The following ZIM3 variants were observed in gnomAD, a reference collection of about 807,000 sequenced individuals.
The protein encoded by ZIM3 is zinc finger protein 657.
A neutral mutation model predicts 12.9 loss-of-function variants in ZIM3; 11 were observed. That is an observed-to-expected ratio of 0.85 (90% confidence interval 0.54 to 1.41). ZIM3 has a LOEUF of 1.41. Among genes scored for constraint, ZIM3 ranks in the 40% most tolerant of loss-of-function variants. The pLI is 0.00. For synonymous variants in ZIM3, 205 were observed against 198.5 expected, an observed-to-expected ratio of 1.03 and a Z score of -0.28; for missense variants, 604 against 557.2, an observed-to-expected ratio of 1.08 and a Z score of -0.85.
chr19:57,135,625 G>T lies in ZIM3; in HGVS notation c.712C>A (p.Leu238Ile), dbSNP rs938763059. 6.2e-7 allele frequency: 1 copy of T among 1,611,970 alleles called. No homozygotes were observed. The highest frequency in any genetic ancestry group is 8.5e-7 in the Non-Finnish European group (1 of 1,178,230). ...GTATGCATTTTCTGATGTTGAAAGA[G>T]ATTTGACTTCTGCTTGTAGGCATTT... Reference protein sequence around the residue: ...CGNAYKQKSNLFQHQKMHTKE... With the variant: ...CGNAYKQKSNIFQHQKMHTKE... The change falls in exon 5 of 5, where the codon CTC (leucine) becomes ATC (isoleucine). Residue 238 changes from leucine to isoleucine, a missense_variant. By Grantham distance (5) the Leu-to-Ile change is conservative. Transcript: ENST00000269834.
chr19:57,138,341 A>C (rs2086899184), intron 3 of ZIM3, 131 bp downstream of exon 3: 1 of 1,325,954 alleles, frequency 7.5e-7, no homozygotes, highest in East Asian at 2.4e-5. Flanking sequence ...GCCTCACCCT[A>C]GTCCCGGCTC....
In ZIM3 at chr19:57,134,780, T is replaced by G; in HGVS notation, c.*138A>C. 1.2e-6 allele frequency: 1 copy of G among 842,306 alleles called. No homozygotes were observed. The allele number at this position is 842,306 out of a possible 1,614,324, so 52.2% of individuals were successfully genotyped here. ...GCTGAGTGAGTATGCCGAATGGGTTTTCAAAGGATACTGTGATAATAAGTC... is the reference window on the plus strand; with the variant it reads ...GCTGAGTGAGTATGCCGAATGGGTTGTCAAAGGATACTGTGATAATAAGTC... On this transcript the variant is annotated 3_prime_UTR_variant, in exon 5 of 5. Coordinates refer to ENST00000269834, the MANE Select transcript of ZIM3 (RefSeq NM_052882.1).
At chr19:57,140,705 C>G (rs1253727094) in intron 2 of ZIM3, among the ~76,000 whole-genome samples, 1 of 152,096 alleles carries the variant, frequency 6.6e-6, no homozygotes, top group Non-Finnish European at 1.5e-5. Context: ...CTCCTGGCCT[C>G]AAGTGGTCTT....
At chr19:57,143,216 A>C (rs949771296) in intron 1 of ZIM3, among the ~76,000 whole-genome samples, 5 of 152,016 alleles carry the variant, frequency 3.3e-5, no homozygotes, top group Admixed American at 1.3e-4. Flanking sequence ...CTGTAGTCCC[A>C]GCTACTCGGG....
rs113070573 is a variant in ZIM3, at chr19:57,140,032, G to A, written c.16-1434C>T. Among the ~76,000 whole-genome samples, 196 of 152,282 alleles carry A rather than the reference G, an allele frequency of 1.3e-3. 2 individuals are homozygous for A. Among genetic ancestry groups the A allele is most frequent in the African/African-American group, 4.7e-3 (194 of 41,552 alleles). On this transcript the variant is annotated intron_variant, in intron 2 of 4. Transcript: ENST00000269834. ...CCACTCAACACTCACAGTGTTGGAA[G>A]TCACACTTGTAAAGCGAATTCCTTT... is the stretch of plus-strand genomic sequence containing the variant.
Position 57,135,348 on chromosome 19 carries a change from G to T in ZIM3, c.989C>A (p.Thr330Lys). The change falls in exon 5 of 5, where the codon ACG becomes AAG. Residue 330 changes from threonine to lysine, a missense_variant. Coordinates refer to ENST00000269834, the MANE Select transcript of ZIM3 (RefSeq NM_052882.1). ...SDLVKHQRIH[T>K]GEKPYKCSIC... is the part of the protein sequence containing the mutation. ...GCTACATTTATAGGGTTTCTCTCCC[G>T]TGTGTATTCTCTGGTGTTTCACAAG... 1.2e-6 allele frequency: 2 copies of T among 1,613,922 alleles called. No homozygotes were observed. Among genetic ancestry groups the T allele is most frequent in the Middle Eastern group, 1.6e-4 (1 of 6,062 alleles).
intron 3 of ZIM3, 57 bp downstream of exon 3, chr19:57,138,415 G>T: frequency 6.2e-7 from 1 of 1,612,768 alleles, no homozygotes; most frequent in Non-Finnish European, 8.5e-7. Flanking sequence ...GCCATGGGGT[G>T]TCTGTGTGTT....
chr19:57,139,819 ACATT>A (rs2086905840), intron 2 of ZIM3, among the ~76,000 whole-genome samples: 1 of 152,206 alleles, frequency 6.6e-6, no homozygotes, highest in African/African-American at 2.4e-5. Context: ...TCCACAGTCG[ACATT>A]CAGACTGGAT....
chr19:57,140,336 C>G (rs1209628829), intron 2 of ZIM3, among the ~76,000 whole-genome samples: 1 of 151,652 alleles, frequency 6.6e-6, no homozygotes, highest in East Asian at 1.9e-4. Context: ...ACCACGACAC[C>G]TGGCTAATTT....
intron 2 of ZIM3, among the ~76,000 whole-genome samples, chr19:57,139,098 G>A (rs562853435): frequency 3.3e-5 from 5 of 152,022 alleles, no homozygotes; most frequent in East Asian, 1.9e-4. Flanking sequence ...AGGCCGAGGC[G>A]GGTGGATCAC....
intron 3 of ZIM3, among the ~76,000 whole-genome samples, 163 bp downstream of exon 3, chr19:57,138,309 C>T (rs140588362): frequency 1.3e-5 from 2 of 152,282 alleles, no homozygotes; most frequent in East Asian, 3.9e-4. Flanking sequence ...TCCTTCAATA[C>T]AGCACTTGGT....
intron 2 of ZIM3, among the ~76,000 whole-genome samples, chr19:57,140,047 C>T (rs910521792): frequency 5.9e-5 from 9 of 152,208 alleles, no homozygotes; most frequent in African/African-American, 2.2e-4. Flanking sequence ...ACTTGTAAAG[C>T]GAATTCCTTT....
intron 3 of ZIM3, among the ~76,000 whole-genome samples, chr19:57,138,042 G>A (rs796767768): frequency 1.1e-4 from 7 of 61,060 alleles, no homozygotes; most frequent in Non-Finnish European, 1.7e-4. Context: ...AAAGAAGGAA[G>A]GAAGGAAGGA....
rs1230883956 is a variant in ZIM3, at chr19:57,136,887, C to A, written c.227G>T (p.Gly76Val). Reference sequence around the variant, plus strand: ...TGGTCACCTACCTGCACGGCCACTTCCCAGCACTTCCTCTTCCTCCAACCA... The same window carrying A: ...TGGTCACCTACCTGCACGGCCACTTACCAGCACTTCCTCTTCCTCCAACCA... The part of the protein sequence containing the change: ...EPWLEEEEVL[G>V]SGRAEKNGDI... The change falls in exon 4 of 5, where the codon GGA (glycine) becomes GTA (valine). Residue 76 changes from glycine (G) to valine (V), a missense_variant. Physicochemically the swap from Gly to Val is moderately radical, Grantham distance 109 (BLOSUM62 -3). Transcript: ENST00000269834. 4 of 1,614,144 alleles carry A rather than the reference C, an allele frequency of 2.5e-6. No individual in the cohort carries two copies. In the Admixed American group the frequency reaches 5.0e-5, roughly 20 times the overall value.
Position 57,138,475 on chromosome 19 carries a change from C to A in ZIM3, c.139G>T (p.Val47Leu). The A allele has an allele frequency of 6.2e-7, 1 of 1,614,188 alleles. No homozygotes were observed. The highest frequency in any genetic ancestry group is 8.5e-7 in the Non-Finnish European group (1 of 1,180,026). ...MLENYSNLVS[V>L]GQGETTKPDV... Reference sequence around the variant, plus strand: ...CTGCCCGGGAAGCCGTCCTTACCCACAGAGACAAGGTTGCTGTAATTCTCC... The same window carrying A: ...CTGCCCGGGAAGCCGTCCTTACCCAAAGAGACAAGGTTGCTGTAATTCTCC... Residue 47 changes from valine to leucine, a missense_variant, in exon 3 of 5, where the codon GTG becomes TTG. Val to Leu is a conservative substitution (Grantham distance 32). Transcript: ENST00000269834.
chr19:57,134,841 C>G lies in ZIM3; in HGVS notation c.*77G>C. On this transcript the variant is annotated 3_prime_UTR_variant, in exon 5 of 5. Transcript: ENST00000269834. The stretch of plus-strand genomic sequence containing the variant: ...TCAAAAATAGCCTCCAAATTAGAGG[C>G]CATTTCAACATGGAATTCTGGGGTG... 2.8e-6 allele frequency: 4 copies of G among 1,445,098 alleles called. No individual in the cohort carries two copies. Among genetic ancestry groups the G allele is most frequent in the Non-Finnish European group, 3.7e-6 (4 of 1,067,874 alleles). The allele number at this position is 1,445,098 out of a possible 1,614,324, so 89.5% of individuals were successfully genotyped here.
rs776746223 is a variant in ZIM3, at chr19:57,136,964, C to T, written c.150G>A (p.Gly50=). The change falls in exon 4 of 5, where the codon GGG becomes GGA. Residue 50 remains glycine (G), a synonymous_variant. Transcript: ENST00000269834. ...NYSNLVSVGQ[G]ETTKPDVILR... The stretch of plus-strand genomic sequence containing the variant: ...AGATCACATCGGGTTTGGTGGTTTC[C>T]CCTTGTCCTGTGATGGAAGATACCG... 1 of 1,614,144 alleles carries T rather than the reference C, an allele frequency of 6.2e-7. No individual in the cohort carries two copies. The highest frequency in any genetic ancestry group is 1.1e-5 in the South Asian group (1 of 91,084).
chr19:57,140,147 G>A (rs904834069), intron 2 of ZIM3, among the ~76,000 whole-genome samples: 3 of 152,112 alleles, frequency 2.0e-5, no homozygotes, highest in Non-Finnish European at 4.4e-5. Flanking sequence ...GCTCTAGCTC[G>A]CTTTTTTAAA....
At chr19:57,142,509 T>C (rs1350753192) in intron 2 of ZIM3, 120 bp downstream of exon 2, 5 of 1,029,198 alleles carry the variant, frequency 4.9e-6, no homozygotes, top group Non-Finnish European at 7.3e-6. Flanking sequence ...TACCTTTTAA[T>C]AGAAGTATGG....
Sources: allele counts gnomAD v4.1 joint callset (sites outside exome capture counted in the v4.1 genomes callset), GRCh38; gene constraint gnomAD v4.1.1; transcripts MANE v1.5; gene names NCBI Gene and HGNC (gene_info 2026-07-23, HGNC 2026-07-21).